Variants in PIBF1 observed in about 807,000 individuals in gnomAD.
PIBF1 encodes the protein progesterone immunomodulatory binding factor 1, also known as progesterone-induced-blocking factor 1.
In PIBF1, 90 loss-of-function variants were observed where a neutral mutation model predicts 112.5. That is an observed-to-expected ratio of 0.80 (90% CI 0.67 to 0.95). PIBF1 has a LOEUF of 0.95. Ranked by LOEUF, PIBF1 falls within the 40% of genes least tolerant of loss-of-function variation. PIBF1 has a pLI of 0.00. For missense variants in PIBF1, 915 were observed against 852.3 expected, an observed-to-expected ratio of 1.07 and a Z score of -0.92; for synonymous variants, 301 against 288.6, an observed-to-expected ratio of 1.04 and a Z score of -0.44.
At chr13:72,919,144 C>T (rs1468960530) in intron 13 of PIBF1, among the ~76,000 whole-genome samples, 1 of 151,586 alleles carries the variant, frequency 6.6e-6, no homozygotes, top group Non-Finnish European at 1.5e-5. Flanking sequence ...CATTTAGAGA[C>T]ATTGTACACT....
At chr13:72,797,634 A>G (rs2035259579) in intron 4 of PIBF1, among the ~76,000 whole-genome samples, 1 of 152,140 alleles carries the variant, frequency 6.6e-6, no homozygotes, top group African/African-American at 2.4e-5. Context: ...CCTAGTGTGG[A>G]GTGAGCAGTA....
intron 11 of PIBF1, among the ~76,000 whole-genome samples, chr13:72,897,519 A>G (rs1375724632): frequency 6.6e-6 from 1 of 152,222 alleles, no homozygotes; most frequent in Non-Finnish European, 1.5e-5. Context: ...AAAAAGGTGC[A>G]GAACTACAGA....
chr13:72,785,106 C>G (rs2034527159), intron 2 of PIBF1, among the ~76,000 whole-genome samples: 1 of 152,110 alleles, frequency 6.6e-6, no homozygotes, highest in Non-Finnish European at 1.5e-5. Context: ...ATAACCTAAT[C>G]ACCCCAAAGG....
intron 13 of PIBF1, among the ~76,000 whole-genome samples, chr13:72,930,820 ATATT>A (rs574519946): frequency 1.3e-5 from 2 of 152,316 alleles, no homozygotes; most frequent in South Asian, 4.1e-4. Flanking sequence ...TAATTGGAAA[ATATT>A]TATAAAAGTG....
intron 16 of PIBF1, among the ~76,000 whole-genome samples, chr13:72,979,378 G>A (rs1052124922): frequency 4.6e-5 from 7 of 152,068 alleles, no homozygotes; most frequent in African/African-American, 1.7e-4. Context: ...TTATCCACGT[G>A]TCCTTAGAAT....
chr13:72,783,361 C>A, intron 1 of PIBF1, 62 bp from the exon 2 acceptor site: 1 of 754,328 alleles, frequency 1.3e-6, no homozygotes, highest in Non-Finnish European at 2.2e-6. Flanking sequence ...CTCTTTAATA[C>A]AGTCCATGAT....
chr13:72,814,828 A>T (rs1194740283), intron 5 of PIBF1, among the ~76,000 whole-genome samples: 2 of 152,226 alleles, frequency 1.3e-5, no homozygotes, highest in African/African-American at 2.4e-5. Context: ...GAATTAACTG[A>T]CATGAAGTAA....
chr13:72,970,481 A>G (rs1042774286), intron 15 of PIBF1: 27 of 152,312 alleles, frequency 1.8e-4, no homozygotes, highest in African/African-American at 5.5e-4. Flanking sequence ...AACTTCCCTT[A>G]CAAAGCTATC....
At chr13:72,955,256 G>C (rs550654521) in intron 14 of PIBF1, among the ~76,000 whole-genome samples, 1 of 152,152 alleles carries the variant, frequency 6.6e-6, no homozygotes, top group East Asian at 1.9e-4. Flanking sequence ...GGAAGTCTTG[G>C]TTATGGTTCA....
chr13:72,952,019 C>CT (rs1555322946), intron 14 of PIBF1, among the ~76,000 whole-genome samples: 1 of 140,004 alleles, frequency 7.1e-6, no homozygotes, highest in East Asian at 2.1e-4. Context: ...TAATTTCTTT[C>CT]TTTCTTTTCT....
intron 16 of PIBF1, among the ~76,000 whole-genome samples, chr13:72,987,871 T>A (rs868861750): frequency 0.099 from 12,466 of 125,576 alleles, 850 homozygotes; most frequent in Non-Finnish European, 0.15. Flanking sequence ...TTTTTTTTTT[T>A]TTTTTTTTTT....
chr13:72,936,424 A>G (rs2041872939), intron 14 of PIBF1, among the ~76,000 whole-genome samples: 1 of 152,188 alleles, frequency 6.6e-6, no homozygotes, highest in African/African-American at 2.4e-5. Flanking sequence ...TATTTTAAAT[A>G]TCTTTGCCTA....
At chr13:72,895,326 A>G (rs2040239504) in intron 11 of PIBF1, among the ~76,000 whole-genome samples, 1 of 149,272 alleles carries the variant, frequency 6.7e-6, no homozygotes, top group South Asian at 2.1e-4. Context: ...AATAATATTT[A>G]AAATAATATA....
At chr13:72,801,631 C>G (rs2035479514) in intron 5 of PIBF1, among the ~76,000 whole-genome samples, 1 of 151,734 alleles carries the variant, frequency 6.6e-6, no homozygotes, top group African/African-American at 2.4e-5. Context: ...CTCCTCCTGG[C>G]TATTCTGGTA....
At chr13:72,946,491 C>G (rs575830868) in intron 14 of PIBF1, among the ~76,000 whole-genome samples, 1 of 152,158 alleles carries the variant, frequency 6.6e-6, no homozygotes, top group South Asian at 2.1e-4. Context: ...ACAATCATGC[C>G]TTTCCAACAG....
intron 5 of PIBF1, among the ~76,000 whole-genome samples, chr13:72,813,130 T>A (rs2036097644): frequency 6.6e-6 from 1 of 152,134 alleles, no homozygotes; most frequent in African/African-American, 2.4e-5. Flanking sequence ...AGCATAGTCA[T>A]GCCAAACTCA....
chr13:72,878,487 G>T (rs2039496191), intron 10 of PIBF1, among the ~76,000 whole-genome samples: 1 of 152,016 alleles, frequency 6.6e-6, no homozygotes, highest in Admixed American at 6.6e-5. Flanking sequence ...TTACATTATG[G>T]TTTGAGAGTA....
At chr13:72,799,996 T>G (rs2035391708) in intron 5 of PIBF1, among the ~76,000 whole-genome samples, 1 of 152,190 alleles carries the variant, frequency 6.6e-6, no homozygotes, top group Non-Finnish European at 1.5e-5. Flanking sequence ...AGGAAAAAAG[T>G]AAATATTTTT....
At chr13:72,925,933 A>T (rs1396722165) in intron 13 of PIBF1, among the ~76,000 whole-genome samples, 1 of 152,120 alleles carries the variant, frequency 6.6e-6, no homozygotes, top group Non-Finnish European at 1.5e-5. Flanking sequence ...TAAAATTTTG[A>T]TGCAGTCCAG....
Sources: gnomAD v4.1 joint callset for allele counts (sites outside exome capture counted in the v4.1 genomes callset) on GRCh38, gnomAD v4.1.1 for gene constraint, MANE v1.5 for transcripts, NCBI Gene and HGNC (gene_info 2026-07-23, HGNC 2026-07-21) for gene names.